IL1RL1: variants seen among roughly 807,000 people sequenced by gnomAD.
IL1RL1 encodes interleukin-1 receptor-like 1.
In IL1RL1, 32 loss-of-function variants were observed where a neutral mutation model predicts 50.9. The observed-to-expected ratio is 0.63, with a 90% confidence interval of 0.47 to 0.84. IL1RL1 has a LOEUF of 0.84. Among genes scored for constraint, IL1RL1 ranks in the 40% least tolerant of loss-of-function variants. The pLI is 0.00. For missense variants in IL1RL1, 773 were observed against 662.9 expected, an observed-to-expected ratio of 1.17 and a Z score of -1.82; for synonymous variants, 275 against 236.0, an observed-to-expected ratio of 1.17 and a Z score of -1.51.
chr2:102,321,695 A>C (rs932307115), intron 1 of IL1RL1, among the ~76,000 whole-genome samples: 4 of 152,210 alleles, frequency 2.6e-5, no homozygotes, highest in Non-Finnish European at 5.9e-5. Flanking sequence ...CAAACTTACC[A>C]AAATCACCAA....
At chr2:102,329,163 A>G (rs1677100520) in intron 1 of IL1RL1, among the ~76,000 whole-genome samples, 1 of 152,238 alleles carries the variant, frequency 6.6e-6, no homozygotes, top group Non-Finnish European at 1.5e-5. Flanking sequence ...GGAACAGAAC[A>G]GAGCCCTCAG....
rs1434355355 is a variant in IL1RL1, at chr2:102,351,999, A to G, written c.*78A>G. The G allele has an allele frequency of 1.5e-6, 2 of 1,326,902 alleles. No homozygotes were observed. Among genetic ancestry groups the G allele is most frequent in the East Asian group, 2.3e-5 (1 of 43,360 alleles). 82.2% of individuals were successfully genotyped at this position (1,326,902 alleles called of 1,614,324 possible). Reference sequence around the variant, plus strand: ...CTAGCTGGCTTATGCCCCTGCACTGAAGTGTGAGGAGCAGGAATATTAAAG... The same window carrying G: ...CTAGCTGGCTTATGCCCCTGCACTGGAGTGTGAGGAGCAGGAATATTAAAG... On this transcript the variant is annotated 3_prime_UTR_variant, in exon 11 of 11. Transcript: ENST00000233954.
Position 102,343,160 on chromosome 2 carries a change from G to A in IL1RL1, c.807G>A (p.Glu269=), listed in dbSNP as rs764994383. ...TTGGTGAACCAAGAATTCAACAAGA[G>A]GAAGGGCAAAATCAAAGGTATTTTT... is the stretch of plus-strand genomic sequence containing the variant. ...TDFGEPRIQQ[E]EGQNQSFSNG... is the part of the protein sequence containing the mutation. Residue 269 remains glutamate (E), a synonymous_variant, in exon 7 of 11, where the codon GAG becomes GAA. Transcript: ENST00000233954. 6.2e-7 allele frequency: 1 copy of A among 1,614,104 alleles called. No homozygotes were observed. Among genetic ancestry groups the A allele is most frequent in the East Asian group, 2.2e-5 (1 of 44,882 alleles).
intron 1 of IL1RL1, among the ~76,000 whole-genome samples, chr2:102,312,401 T>C (rs1214327030): frequency 6.6e-6 from 1 of 151,718 alleles, no homozygotes; most frequent in African/African-American, 2.4e-5. Context: ...AAATCTTGTT[T>C]GTGTAATATG....
chr2:102,320,664 G>T lies in IL1RL1; in HGVS notation c.-150+9041G>T, dbSNP rs182327227. Among the ~76,000 whole-genome samples, 125 of 152,044 alleles carry T rather than the reference G, an allele frequency of 8.2e-4. No individual in the cohort carries two copies. In the Middle Eastern group the frequency reaches 0.02, roughly 25 times the overall value. ...AATTCAGTAACTAGCAACCCTATTT[G>T]ACCAGTTACTCAGGGCCCCAAACCT... is the stretch of plus-strand genomic sequence containing the variant. On this transcript the variant is annotated intron_variant, in intron 1 of 10. Coordinates refer to ENST00000233954, the MANE Select transcript of IL1RL1 (RefSeq NM_016232.5).
Position 102,338,237 on chromosome 2 carries a change from C to T in IL1RL1, c.-28C>T, listed in dbSNP as rs758180273. The T allele has an allele frequency of 1.3e-6, 2 of 1,536,108 alleles. No homozygotes were observed. The highest frequency in any genetic ancestry group is 1.4e-5 in the African/African-American group (1 of 73,292). ...TGGAGTAATCTCAACAACGAGTTAC[C>T]AATACTTGCTCTTGATTGATAAACA... On this transcript the variant is annotated 5_prime_UTR_variant, in exon 2 of 11. Coordinates refer to ENST00000233954, the MANE Select transcript of IL1RL1 (RefSeq NM_016232.5).
chr2:102,342,245 T>C lies in IL1RL1; in HGVS notation c.633T>C (p.Phe211=). Reference sequence around the variant, plus strand: ...AAGATGAGCAAGGCTTTTCTCTGTTTCCAGTAATCGGAGCCCCTGCACAAA... The same window carrying C: ...AAGATGAGCAAGGCTTTTCTCTGTTCCCAGTAATCGGAGCCCCTGCACAAA... ...TVKDEQGFSL[F]PVIGAPAQNE... The change falls in exon 6 of 11, where the codon TTT becomes TTC. Residue 211 remains phenylalanine (F), a synonymous_variant. Coordinates refer to ENST00000233954, the MANE Select transcript of IL1RL1 (RefSeq NM_016232.5). 1.2e-6 allele frequency: 2 copies of C among 1,611,802 alleles called. No homozygotes were observed. Among genetic ancestry groups the C allele is most frequent in the Non-Finnish European group, 1.7e-6 (2 of 1,178,028 alleles).
chr2:102,312,013 TA>T (rs796903200), intron 1 of IL1RL1, among the ~76,000 whole-genome samples: 2,959 of 21,720 alleles, frequency 0.14, 196 homozygotes, highest in African/African-American at 0.21. Flanking sequence ...TTATATATAT[TA>T]TATATAATAT....
chr2:102,333,095 C>A (rs769071630), intron 1 of IL1RL1, among the ~76,000 whole-genome samples: 1 of 152,096 alleles, frequency 6.6e-6, no homozygotes. Flanking sequence ...TCTGTAAAGA[C>A]GTTGGCTTTT....
intron 4 of IL1RL1, 98 bp from the exon 5 acceptor site, chr2:102,340,568 G>T: frequency 8.1e-7 from 1 of 1,237,540 alleles, no homozygotes; most frequent in Non-Finnish European, 1.1e-6. Context: ...AGCCCAGATT[G>T]CACCACTCAC....
Position 102,324,058 on chromosome 2 carries a change from A to G in IL1RL1, c.-150+12435A>G, listed in dbSNP as rs187006545. ...GTAGTGTTCCATTGTATGAATATAG[A>G]ATAGTTTAGCCATATATGTGCTGAC... On this transcript the variant is annotated intron_variant, in intron 1 of 10. Coordinates refer to ENST00000233954, the MANE Select transcript of IL1RL1 (RefSeq NM_016232.5). Among the ~76,000 whole-genome samples the G allele has an allele frequency of 1.4e-3, 212 of 149,098 alleles. 1 individual carries two copies. The highest frequency in any genetic ancestry group is 5.1e-3 in the African/African-American group (204 of 40,356).
chr2:102,343,639 C>T, intron 8 of IL1RL1: 1 of 1,427,444 alleles, frequency 7.0e-7, no homozygotes, highest in Non-Finnish European at 9.1e-7. Flanking sequence ...CCACTCCCTC[C>T]TATCGTTGGT....
At chr2:102,329,296 C>T (rs1677106530) in intron 1 of IL1RL1, among the ~76,000 whole-genome samples, 1 of 152,170 alleles carries the variant, frequency 6.6e-6, no homozygotes, top group East Asian at 1.9e-4. Flanking sequence ...ATGTAGAAAG[C>T]TGAAACTGGA....
chr2:102,315,633 T>G (rs746737485), intron 1 of IL1RL1, among the ~76,000 whole-genome samples: 2 of 152,194 alleles, frequency 1.3e-5, no homozygotes, highest in Non-Finnish European at 2.9e-5. Context: ...AATTATTTTC[T>G]TTTCATTTCA....
chr2:102,347,886 A>G, intron 8 of IL1RL1, 59 bp from the exon 9 acceptor site: 1 of 986,792 alleles, frequency 1.0e-6, no homozygotes, highest in South Asian at 1.5e-5. Flanking sequence ...ACATCCATGT[A>G]TCAGTTTATT....
At chr2:102,344,714 C>G in intron 8 of IL1RL1, 1 of 940,856 alleles carries the variant, frequency 1.1e-6, no homozygotes, top group Non-Finnish European at 1.3e-6. Flanking sequence ...TAAATGAATG[C>G]ACAACCAAAT....
intron 1 of IL1RL1, among the ~76,000 whole-genome samples, chr2:102,337,564 G>A (rs938359056): frequency 6.6e-6 from 1 of 152,124 alleles, no homozygotes; most frequent in Non-Finnish European, 1.5e-5. Flanking sequence ...GGTGACTCCT[G>A]GGAACAAGCT....
chr2:102,349,112 C>A lies in IL1RL1; in HGVS notation c.1151C>A (p.Pro384Gln). The A allele has an allele frequency of 6.2e-7, 1 of 1,613,592 alleles. No homozygotes were observed. The highest frequency in any genetic ancestry group is 8.5e-7 in the Non-Finnish European group (1 of 1,179,518). Residue 384 changes from proline (P) to glutamine (Q), a missense_variant, in exon 10 of 11, where the codon CCA (proline) becomes CAA (glutamine). Coordinates refer to ENST00000233954, the MANE Select transcript of IL1RL1 (RefSeq NM_016232.5). ...CTCTATGATGCTTATGTTGTCTACC[C>A]ACGGAACTACAAATCCAGTACAGAT... ...GKLYDAYVVY[P>Q]RNYKSSTDGA...
chr2:102,349,251 A>G lies in IL1RL1; in HGVS notation c.1285+5A>G. 3 of 1,611,794 alleles carry G rather than the reference A, an allele frequency of 1.9e-6. No individual in the cohort carries two copies. The highest frequency in any genetic ancestry group is 2.5e-6 in the Non-Finnish European group (3 of 1,177,934). ...GAGATATGCTACCTGGAGAAGGTAA[A>G]GCTATTGACATACATTAGGGACAGA... is the stretch of plus-strand genomic sequence containing the variant. On this transcript the variant is annotated splice_donor_5th_base_variant and intron_variant, in intron 10 of 10. Coordinates refer to ENST00000233954, the MANE Select transcript of IL1RL1 (RefSeq NM_016232.5).
Sources: allele counts gnomAD v4.1 joint callset (sites outside exome capture counted in the v4.1 genomes callset), GRCh38; gene constraint gnomAD v4.1.1; transcripts MANE v1.5; gene names NCBI Gene and HGNC (gene_info 2026-07-23, HGNC 2026-07-21).